KCNH5: variants seen among roughly 807,000 people sequenced by gnomAD.
KCNH5 encodes the protein voltage-gated delayed rectifier potassium channel KCNH5.
KCNH5 carries 46 observed loss-of-function variants against 96.1 expected under a neutral mutation model. That is an observed-to-expected ratio of 0.48 (90% CI 0.38 to 0.61). The LOEUF is 0.61. KCNH5 is among the 20% of genes least tolerant of loss of function. KCNH5 has a pLI of 0.00. For missense variants in KCNH5, 907 were observed against 1,225.8 expected, an observed-to-expected ratio of 0.74 and a Z score of 3.88; for synonymous variants, 439 against 449.8, an observed-to-expected ratio of 0.98 and a Z score of 0.30.
Position 62,981,182 on chromosome 14 carries a change from C to G in KCNH5, c.632G>C (p.Cys211Ser). The G allele has an allele frequency of 6.2e-7, 1 of 1,614,086 alleles. No homozygotes were observed. Among genetic ancestry groups the G allele is most frequent in the Non-Finnish European group, 8.5e-7 (1 of 1,179,992 alleles). The change falls in exon 6 of 11, where the codon TGT becomes TCT. Residue 211 changes from cysteine (C) to serine (S), a missense_variant. This residue lies in a region of KCNH5 where 370 missense variants were observed against 561.3 expected (regional missense o/e 0.66). Coordinates refer to ENST00000322893, the MANE Select transcript of KCNH5 (RefSeq NM_139318.5). The part of the protein sequence containing the change: ...KTPPHIILHY[C>S]AFKTTWDWVI... ...CCAATCCCAAGTAGTTTTAAAAGCA[C>G]AATAATGTAAAATAATGTGTGGTGG...
intron 10 of KCNH5, among the ~76,000 whole-genome samples, chr14:62,776,068 AC>A (rs1354374971): frequency 6.6e-6 from 1 of 151,966 alleles, no homozygotes; most frequent in Non-Finnish European, 1.5e-5. Context: ...CGAGTTCAAG[AC>A]CAGCCTGACC....
intron 9 of KCNH5, among the ~76,000 whole-genome samples, chr14:62,796,151 T>C (rs988023031): frequency 8.5e-5 from 13 of 152,084 alleles, no homozygotes; most frequent in East Asian, 7.7e-4. Context: ...AATGAGGAGA[T>C]TGACACAATT....
chr14:62,952,296 G>C (rs886373384), intron 6 of KCNH5, among the ~76,000 whole-genome samples: 1 of 151,634 alleles, frequency 6.6e-6, no homozygotes, highest in African/African-American at 2.4e-5. Flanking sequence ...AAAAAGAGTA[G>C]AATTAATGAA....
chr14:63,044,722 A>G (rs567778942), intron 1 of KCNH5, among the ~76,000 whole-genome samples: 1 of 152,332 alleles, frequency 6.6e-6, no homozygotes, highest in East Asian at 1.9e-4. Flanking sequence ...AAACCTTTCC[A>G]CTGAGATTAA....
rs1889347653 is a variant in KCNH5, at chr14:62,919,872, A to G, written c.1369+30261T>C. 2.6e-5 allele frequency among the ~76,000 whole-genome samples: 4 copies of G among 152,122 alleles called. No individual in the cohort carries two copies. In the South Asian group the frequency reaches 8.3e-4, roughly 32 times the overall value. ...GAGTGTGATTACATTTAAATATAGC[A>G]TCATCAAACCAAGCGGGGAGAGAGA... On this transcript the variant is annotated intron_variant, in intron 7 of 10. Transcript: ENST00000322893.
chr14:62,987,215 T>C, intron 4 of KCNH5, 28 bp from the exon 5 acceptor site: 5 of 1,484,544 alleles, frequency 3.4e-6, no homozygotes, highest in Non-Finnish European at 4.7e-6. Flanking sequence ...AAAGTCTCAG[T>C]TTTTCATACA....
intron 7 of KCNH5, among the ~76,000 whole-genome samples, chr14:62,870,014 C>T (rs1421753607): frequency 6.6e-6 from 1 of 152,114 alleles, no homozygotes; most frequent in Non-Finnish European, 1.5e-5. Flanking sequence ...TACTTTTGCA[C>T]CAACTGAATA....
intron 7 of KCNH5, among the ~76,000 whole-genome samples, chr14:62,873,009 G>A (rs1323148062): frequency 6.6e-6 from 1 of 152,038 alleles, no homozygotes; most frequent in African/African-American, 2.4e-5. Flanking sequence ...TATTAGCCAG[G>A]TGTGGTGGCG....
At chr14:62,799,726 T>TATTTATATATACAC (rs1213484157) in intron 9 of KCNH5, among the ~76,000 whole-genome samples, 1 of 68,664 alleles carries the variant, frequency 1.5e-5, no homozygotes, top group Non-Finnish European at 2.9e-5. Flanking sequence ...TATATATATA[T>TATTTATATATACAC]ACACACACAC....
chr14:62,878,881 C>T (rs1888436938), intron 7 of KCNH5, among the ~76,000 whole-genome samples: 1 of 152,032 alleles, frequency 6.6e-6, no homozygotes, highest in South Asian at 2.1e-4. Flanking sequence ...TCCGAATTTC[C>T]TCTTATTGTA....
At chr14:62,757,907 A>G (rs758205824) in intron 10 of KCNH5, among the ~76,000 whole-genome samples, 2 of 152,142 alleles carry the variant, frequency 1.3e-5, no homozygotes, top group African/African-American at 4.8e-5. Context: ...GCACTTCGGG[A>G]GGCTACGGTG....
At chr14:62,811,532 T>C (rs1886872743) in intron 8 of KCNH5, among the ~76,000 whole-genome samples, 1 of 152,194 alleles carries the variant, frequency 6.6e-6, no homozygotes, top group Admixed American at 6.6e-5. Context: ...ATTATCCTTC[T>C]TTCTACCATG....
intron 4 of KCNH5, among the ~76,000 whole-genome samples, chr14:62,994,104 A>G (rs2139582894): frequency 6.6e-6 from 1 of 152,240 alleles, no homozygotes; most frequent in South Asian, 2.1e-4. Flanking sequence ...GCAACACAAG[A>G]TTCTAATCTA....
chr14:62,850,104 G>T (rs984195505), intron 7 of KCNH5, among the ~76,000 whole-genome samples: 8 of 152,126 alleles, frequency 5.3e-5, no homozygotes, highest in African/African-American at 1.9e-4. Context: ...CATCTTTTCT[G>T]AAGAATCAGA....
intron 10 of KCNH5, among the ~76,000 whole-genome samples, chr14:62,714,712 T>C (rs1249171577): frequency 2.6e-5 from 4 of 152,198 alleles, no homozygotes; most frequent in Admixed American, 2.0e-4. Flanking sequence ...ATGAATTAAA[T>C]GGTGTGAAAA....
intron 8 of KCNH5, among the ~76,000 whole-genome samples, chr14:62,811,545 T>A (rs1886873129): frequency 6.6e-6 from 1 of 152,178 alleles, no homozygotes; most frequent in African/African-American, 2.4e-5. Context: ...CTACCATGAA[T>A]ACAGTATAGA....
intron 8 of KCNH5, among the ~76,000 whole-genome samples, chr14:62,807,630 A>T (rs896716660): frequency 1.3e-5 from 2 of 152,136 alleles, no homozygotes; most frequent in African/African-American, 2.4e-5. Context: ...ATTATAGATA[A>T]GACCTGGGGA....
chr14:62,908,812 T>TTC (rs1889084594), intron 7 of KCNH5, among the ~76,000 whole-genome samples: 1 of 136,614 alleles, frequency 7.3e-6, no homozygotes, highest in African/African-American at 2.7e-5. Context: ...TTTTTTTTTT[T>TTC]TGCTGTAATA....
In KCNH5 at chr14:62,708,110, C is replaced by T. The variant is rs140205536; in HGVS notation, c.2365G>A (p.Gly789Ser). The T allele has an allele frequency of 1.9e-5, 30 of 1,614,070 alleles. 1 individual carries two copies. The highest frequency in any genetic ancestry group is 8.9e-5 in the East Asian group (4 of 44,888). The change falls in exon 11 of 11, where the codon GGT becomes AGT. Residue 789 changes from glycine (G) to serine (S), a missense_variant. Gly to Ser is a moderately conservative substitution (Grantham distance 56). This residue lies in a region of KCNH5 where 362 missense variants were observed against 394.4 expected (regional missense o/e 0.92). Transcript: ENST00000322893. ...RDAMELKPNG[G>S]ADQKCLKVNS... is the part of the protein sequence containing the mutation. ...ACTTTGAGACATTTTTGGTCAGCAC[C>T]GCCGTTGGGCTTGAGTTCCATGGCA...
Sources: allele counts gnomAD v4.1 joint callset (sites outside exome capture counted in the v4.1 genomes callset), GRCh38; gene constraint gnomAD v4.1.1; regional missense constraint gnomAD v4.1.1; transcripts MANE v1.5; gene names NCBI Gene and HGNC (gene_info 2026-07-23, HGNC 2026-07-21).